The following DKC1 variants were observed in gnomAD, a reference collection of about 807,000 sequenced individuals.
DKC1 encodes the protein H/ACA ribonucleoprotein complex subunit DKC1.
Under a neutral mutation model 46.7 loss-of-function variants are expected in DKC1, and 4 were observed. That is an observed-to-expected ratio of 0.09 (90% CI 0.04 to 0.20). The LOEUF is 0.20. Among genes scored for constraint, DKC1 ranks in the 10% least tolerant of loss-of-function variants. DKC1 has a pLI of 1.00. For synonymous variants in DKC1, 141 were observed against 142.4 expected, an observed-to-expected ratio of 0.99 and a Z score of 0.07; for missense variants, 171 against 404.2, an observed-to-expected ratio of 0.42 and a Z score of 4.95.
At chrX:154,773,281 GTTC>G in intron 11 of DKC1, 32 bp downstream of exon 11, 6 of 630,018 alleles carry the variant, frequency 9.5e-6, no homozygotes, top group Non-Finnish European at 1.4e-5. Context: ...GCCCTGCCAG[GTTC>G]TTTTTTTTTT....
intron 1 of DKC1, among the ~76,000 whole-genome samples, chrX:154,764,534 GTAAA>G (rs1246172056): frequency 3.6e-5 from 4 of 111,579 alleles, no homozygotes; most frequent in Admixed American, 9.5e-5. Context: ...TTAGCTGTAC[GTAAA>G]TATTTTCTCT....
chrX:154,771,187 G>GTTTTTTTTTTTT, intron 10 of DKC1, among the ~76,000 whole-genome samples: 1 of 64,487 alleles, frequency 1.6e-5, no homozygotes, highest in Non-Finnish European at 2.8e-5. Context: ...TGGTGGTGGT[G>GTTTTTTTTTTTT]TTTTTTTTTT....
chrX:154,766,495 GAAAAA>G (rs1172676981), intron 5 of DKC1, 95 bp downstream of exon 5: 1 of 670,632 alleles, frequency 1.5e-6, no homozygotes, highest in Non-Finnish European at 2.1e-6. Context: ...TCTTCATTAA[GAAAAA>G]AAAAAATCCT....
intron 7 of DKC1, chrX:154,768,044 G>A: frequency 3.0e-6 from 1 of 338,238 alleles, no homozygotes. Flanking sequence ...TAGAGACGGG[G>A]TTTCACCATG....
At chrX:154,768,041 G>A (rs2071772270) in intron 7 of DKC1, 2 of 330,701 alleles carry the variant, frequency 6.0e-6, no homozygotes, top group South Asian at 6.9e-5. Context: ...TAGTAGAGAC[G>A]GGGTTTCACC....
At chrX:154,776,647 C>T in intron 14 of DKC1, 152 bp from the exon 15 acceptor site, 1 of 609,161 alleles carries the variant, frequency 1.6e-6, no homozygotes, top group Non-Finnish European at 2.7e-6. Flanking sequence ...GTTTACAGAA[C>T]TTTGTGTCAC....
chrX:154,769,456 G>A, intron 9 of DKC1, 146 bp downstream of exon 9: 1 of 668,713 alleles, frequency 1.5e-6, no homozygotes, highest in Non-Finnish European at 2.2e-6. Flanking sequence ...TTAATGGTAG[G>A]CATACTTAAA....
chrX:154,770,947 G>A, intron 10 of DKC1, 68 bp downstream of exon 10: 1 of 1,096,878 alleles, frequency 9.1e-7, no homozygotes, highest in Non-Finnish European at 1.3e-6. Flanking sequence ...ATATATTTAT[G>A]GGGTTCATGA....
chrX:154,772,519 G>A (rs2148514713), intron 10 of DKC1, among the ~76,000 whole-genome samples: 1 of 112,473 alleles, frequency 8.9e-6, no homozygotes, highest in East Asian at 2.8e-4. Context: ...GTCAGGTAAT[G>A]TGATTCCTCC....
At position 154,766,455 on chromosome X, in the gene DKC1, C is replaced by G; in HGVS notation, c.448+55C>G. 3.8e-6 allele frequency: 4 copies of G among 1,060,123 alleles called. No homozygotes were observed. The Middle Eastern group carries it at 8.6e-4, about 228-fold the overall frequency. The allele number at this position is 1,060,123 out of a possible 1,213,427, so 87.4% of individuals were successfully genotyped here. On this transcript the variant is annotated intron_variant, in intron 5 of 14. Coordinates refer to ENST00000369550, the MANE Select transcript of DKC1 (RefSeq NM_001363.5). ...TAGAGTGAAAAGCTTTCTGTATTTCCCTTCTATGTTTTGTCTGCTGGAAAC... is the reference window on the plus strand; with the variant it reads ...TAGAGTGAAAAGCTTTCTGTATTTCGCTTCTATGTTTTGTCTGCTGGAAAC...
chrX:154,763,350 A>G (rs1333428004), intron 1 of DKC1, among the ~76,000 whole-genome samples: 1 of 112,494 alleles, frequency 8.9e-6, no homozygotes, highest in Admixed American at 9.3e-5. Flanking sequence ...GAGCAAGGGT[A>G]GTGGAAACGG....
intron 10 of DKC1, 101 bp downstream of exon 10, chrX:154,770,980 A>G: frequency 1.2e-6 from 1 of 823,012 alleles, no homozygotes; most frequent in Non-Finnish European, 1.8e-6. Context: ...CAGGCATGCA[A>G]TACATAATAA....
intron 10 of DKC1, among the ~76,000 whole-genome samples, chrX:154,771,146 C>T (rs1434542860): frequency 9.6e-6 from 1 of 104,416 alleles, no homozygotes; most frequent in Non-Finnish European, 1.9e-5. Context: ...ATTAAATAGT[C>T]TCACTCTTCT....
At chrX:154,768,539 T>A (rs2071779044) in intron 8 of DKC1, 107 bp downstream of exon 8, 1 of 1,051,221 alleles carries the variant, frequency 9.5e-7, no homozygotes, top group South Asian at 1.9e-5. Context: ...TCCAAAGTGT[T>A]GAGTTCAGTC....
At chrX:154,772,799 G>A (rs2071840782) in intron 10 of DKC1, among the ~76,000 whole-genome samples, 1 of 112,165 alleles carries the variant, frequency 8.9e-6, no homozygotes, top group Non-Finnish European at 1.9e-5. Flanking sequence ...CAGCAGAAAA[G>A]GAATCCTTAA....
rs781897987 is a variant in DKC1, at chrX:154,767,282, A to G, written c.540A>G (p.Leu180=). The G allele has an allele frequency of 8.3e-6, 10 of 1,211,802 alleles. No individual in the cohort carries two copies. The East Asian group carries it at 3.0e-4, about 36-fold the overall frequency. ...CCCTAGAAACTCTGACAGGTGCCTT[A>G]TTCCAGCGACCCCCACTTATTGCTG... The part of the protein sequence containing the change: ...SRALETLTGA[L]FQRPPLIAAV... The change falls in exon 7 of 15, where the codon TTA becomes TTG. Residue 180 remains leucine, a synonymous_variant. Coordinates refer to ENST00000369550, the MANE Select transcript of DKC1 (RefSeq NM_001363.5).
intron 8 of DKC1, chrX:154,768,894 G>A: frequency 3.2e-6 from 1 of 309,405 alleles, no homozygotes; most frequent in Non-Finnish European, 5.7e-6. Flanking sequence ...GGCTGAGGCA[G>A]GAGAATGGCG....
At chrX:154,767,203 C>T in intron 6 of DKC1, 53 bp from the exon 7 acceptor site, 2 of 1,210,065 alleles carry the variant, frequency 1.7e-6, no homozygotes, top group African/African-American at 1.7e-5. Flanking sequence ...GGACCAGTGA[C>T]TGCACATGTA....
At chrX:154,766,634 C>T (rs993257013) in intron 5 of DKC1, 7 of 440,497 alleles carry the variant, frequency 1.6e-5, no homozygotes, top group East Asian at 3.8e-5. Context: ...TCCATTTGTC[C>T]GGGTTCAGCT....
Sources: allele counts gnomAD v4.1 joint callset (sites outside exome capture counted in the v4.1 genomes callset), GRCh38; gene constraint gnomAD v4.1.1; transcripts MANE v1.5; gene names NCBI Gene and HGNC (gene_info 2026-07-23, HGNC 2026-07-21).